ALG1L2: variants seen among roughly 807,000 people sequenced by gnomAD.
The protein encoded by ALG1L2 is putative glycosyltransferase ALG1L2.
ALG1L2 carries 32 observed loss-of-function variants against 29.0 expected under a neutral mutation model. The observed-to-expected ratio is 1.10, with a 90% CI of 0.83 to 1.48. The LOEUF (loss-of-function observed/expected upper bound fraction) is 1.48. Among genes scored for constraint, ALG1L2 ranks in the 40% most tolerant of loss-of-function variants. The pLI, the probability that ALG1L2 is intolerant of heterozygous loss-of-function variation, is 0.00. For missense variants in ALG1L2, 318 were observed against 274.1 expected (o/e 1.16, Z -1.13); for synonymous variants, 110 against 109.5 (o/e 1.00, Z -0.03).
intron 4 of ALG1L2, chr3:130,094,140 G>T (rs1284912277): frequency 5.9e-6 from 3 of 511,634 alleles, no homozygotes; most frequent in Non-Finnish European, 1.1e-5. Context: ...TGCCAGGCCA[G>T]TGCTTACCCC....
intron 1 of ALG1L2, among the ~76,000 whole-genome samples, chr3:130,085,855 A>T (rs373189211): frequency 6.7e-6 from 1 of 149,072 alleles, no homozygotes; most frequent in East Asian, 2.0e-4. Context: ...ATCTCCGCAA[A>T]AACGCAATGT....
At chr3:130,091,734 T>A in intron 2 of ALG1L2, 1 of 577,694 alleles carries the variant, frequency 1.7e-6, no homozygotes, top group Admixed American at 2.2e-5. Flanking sequence ...CCCTGGGGTG[T>A]CTCATGGGGC....
At chr3:130,097,646 A>G (rs1176813283) in intron 7 of ALG1L2, among the ~76,000 whole-genome samples, 1 of 152,248 alleles carries the variant, frequency 6.6e-6, no homozygotes, top group Non-Finnish European at 1.5e-5. Context: ...GTAATACATC[A>G]TTCTTGTCAA....
chr3:130,098,325 C>T lies in ALG1L2; in HGVS notation c.*70C>T. On this transcript the variant is annotated 3_prime_UTR_variant, in exon 8 of 8. Coordinates refer to ENST00000425059, the MANE Select transcript of ALG1L2 (RefSeq NM_001136152.1). ...CGCAGCAGCTCTGATGGGATGAGAG[C>T]TGGGTGCAGACTGTGCTCCCTTTGG... 1.3e-6 allele frequency: 2 copies of T among 1,596,428 alleles called. No individual in the cohort carries two copies. Among genetic ancestry groups the T allele is most frequent in the Non-Finnish European group, 1.7e-6 (2 of 1,179,776 alleles).
chr3:130,092,325 G>T, intron 3 of ALG1L2, 103 bp downstream of exon 3: 1 of 1,593,768 alleles, frequency 6.3e-7, no homozygotes, highest in Non-Finnish European at 8.5e-7. Context: ...CCCCACCACG[G>T]TCTCAGTGAG....
intron 1 of ALG1L2, among the ~76,000 whole-genome samples, chr3:130,084,484 A>T (rs1485448313): frequency 7.3e-6 from 1 of 136,714 alleles, no homozygotes; most frequent in Admixed American, 7.7e-5. Flanking sequence ...CAAATTACTG[A>T]ACCTCTCTGT....
chr3:130,095,409 TTTATTA>T (rs869099473), intron 5 of ALG1L2, among the ~76,000 whole-genome samples: 12,869 of 120,886 alleles, frequency 0.11, 734 homozygotes, highest in East Asian at 0.3. Flanking sequence ...TGTGCTGTGG[TTTATTA>T]TTATTATTAT....
At chr3:130,082,439 G>T (rs1409674465) in intron 1 of ALG1L2, among the ~76,000 whole-genome samples, 1 of 133,140 alleles carries the variant, frequency 7.5e-6, no homozygotes, top group Non-Finnish European at 1.7e-5. Flanking sequence ...CCAGACTCAA[G>T]TGATTCTCCT....
chr3:130,085,359 G>C (rs74467681), intron 1 of ALG1L2, among the ~76,000 whole-genome samples: 1 of 55,202 alleles, frequency 1.8e-5, no homozygotes, highest in Non-Finnish European at 4.9e-5. Context: ...GCCTCCCAAA[G>C]TGCTAGGATT....
rs78791864 is a variant in ALG1L2 at position 130,091,929 on chromosome 3, T to C, written c.132-172T>C. On this transcript the variant is annotated intron_variant, in intron 2 of 7. Coordinates refer to ENST00000425059, the MANE Select transcript of ALG1L2 (RefSeq NM_001136152.1). ...TTGTAACCTTAGCACCCAGCAACAA[T>C]ATTAGAGAAAGCAAGCCCAGGCCTC... The C allele has an allele frequency of 1.1e-5, 11 of 1,037,886 alleles. No homozygotes were observed. In the East Asian group the frequency reaches 2.9e-4, roughly 27 times the overall value. 64.3% of individuals were successfully genotyped at this position (1,037,886 alleles called of 1,614,324 possible).
chr3:130,092,000 A>G, intron 2 of ALG1L2, 101 bp from the exon 3 acceptor site: 5 of 1,562,060 alleles, frequency 3.2e-6, no homozygotes, highest in Non-Finnish European at 4.3e-6. Flanking sequence ...CGGGCACCCC[A>G]ACCGTTGGGA....
rs554682020 is a variant in ALG1L2, at chr3:130,084,297, C to G, written c.20+2261C>G. On this transcript the variant is annotated intron_variant, in intron 1 of 7. Coordinates refer to ENST00000425059, the MANE Select transcript of ALG1L2 (RefSeq NM_001136152.1). ...ACATAGCGAGACCCCATTTCCCCCC[C>G]TCAAAAAAAATTAATAAAAAGTAAA... Among the ~76,000 whole-genome samples, 169 of 95,254 alleles carry G rather than the reference C, an allele frequency of 1.8e-3. 1 individual carries two copies. Among genetic ancestry groups the G allele is most frequent in the African/African-American group, 5.7e-3 (159 of 28,134 alleles). 62.5% of individuals were successfully genotyped at this position (95,254 alleles called of 152,430 possible).
chr3:130,084,318 G>A (rs1246294974), intron 1 of ALG1L2, among the ~76,000 whole-genome samples: 1 of 145,536 alleles, frequency 6.9e-6, no homozygotes, highest in African/African-American at 2.5e-5. Flanking sequence ...TTAATAAAAA[G>A]TAAAAATGCA....
chr3:130,092,002 C>A (rs1295017652), intron 2 of ALG1L2, 99 bp from the exon 3 acceptor site: 8 of 1,563,276 alleles, frequency 5.1e-6, no homozygotes, highest in Admixed American at 3.8e-5. Context: ...GGCACCCCAA[C>A]CGTTGGGAGC....
chr3:130,084,913 AGT>A (rs140560794), intron 1 of ALG1L2, among the ~76,000 whole-genome samples: 8,396 of 129,604 alleles, frequency 0.065, 167 homozygotes, highest in Non-Finnish European at 0.082. Context: ...ACATATATGT[AGT>A]GTGTGTGTGT....
rs191936561 is a variant in ALG1L2 at position 130,091,351 on chromosome 3, G to C, written c.111G>C (p.Thr37=). 1.2e-4 allele frequency: 194 copies of C among 1,597,220 alleles called. No individual in the cohort carries two copies. The Admixed American group carries it at 3.1e-3, about 25-fold the overall frequency. ...GGCTCTTCATGAAGCTGGGCAGCAC[G>C]CACTCTCCGTTCAGGGCCCGGTAGG... is the stretch of plus-strand genomic sequence containing the variant. ...QHRLFMKLGS[T]HSPFRARSEP... is the part of the protein sequence containing the mutation. Residue 37 remains threonine, a synonymous_variant, in exon 2 of 8, where the codon ACG becomes ACC. Coordinates refer to ENST00000425059, the MANE Select transcript of ALG1L2 (RefSeq NM_001136152.1).
intron 4 of ALG1L2, chr3:130,093,843 G>A (rs770293296): frequency 4.2e-5 from 7 of 165,262 alleles, no homozygotes; most frequent in Non-Finnish European, 6.6e-5. Context: ...AGCGGAAGCG[G>A]TGTGGGAAGA....
intron 7 of ALG1L2, among the ~76,000 whole-genome samples, chr3:130,097,794 G>A (rs1935175473): frequency 6.6e-6 from 1 of 152,198 alleles, no homozygotes; most frequent in African/African-American, 2.4e-5. Context: ...AAGGGGTGTG[G>A]CTTTGTTCCA....
intron 5 of ALG1L2, among the ~76,000 whole-genome samples, chr3:130,095,569 G>A (rs1022192052): frequency 6.6e-6 from 1 of 151,712 alleles, no homozygotes; most frequent in Non-Finnish European, 1.5e-5. Flanking sequence ...CCTGAGTAGC[G>A]GGGATTACAG....
Sources: gnomAD v4.1 joint callset for allele counts (sites outside exome capture counted in the v4.1 genomes callset) on GRCh38, gnomAD v4.1.1 for gene constraint, MANE v1.5 for transcripts, NCBI Gene and HGNC (gene_info 2026-07-23, HGNC 2026-07-21) for gene names.